The following PCNX1 variants were observed in gnomAD, a reference collection of about 807,000 sequenced individuals.
PCNX1 encodes the protein pecanex-like protein 1.
Under a neutral mutation model 242.2 loss-of-function variants are expected in PCNX1, and 78 were observed. The observed-to-expected ratio is 0.32, with a 90% confidence interval of 0.27 to 0.39. The LOEUF is 0.39. PCNX1 is among the 10% of genes least tolerant of loss of function. PCNX1 has a pLI of 1.00. For missense variants in PCNX1, 2,581 were observed against 2,856.5 expected, an observed-to-expected ratio of 0.90 and a Z score of 2.20; for synonymous variants, 1,024 against 1,032.9, an observed-to-expected ratio of 0.99 and a Z score of 0.17.
chr14:71,031,238 A>G (rs982386958), intron 16 of PCNX1, among the ~76,000 whole-genome samples: 3 of 152,180 alleles, frequency 2.0e-5, no homozygotes, highest in African/African-American at 7.2e-5. Flanking sequence ...AGTCAAGGGA[A>G]GCTCCCTGGA....
At chr14:71,097,731 G>T (rs2062332117) in intron 30 of PCNX1, among the ~76,000 whole-genome samples, 1 of 152,142 alleles carries the variant, frequency 6.6e-6, no homozygotes, top group African/African-American at 2.4e-5. Flanking sequence ...CCTGTAGGTT[G>T]TCAGTTTACT....
chr14:70,928,081 AT>A (rs1444938472), intron 1 of PCNX1, among the ~76,000 whole-genome samples: 5 of 152,048 alleles, frequency 3.3e-5, no homozygotes, highest in Non-Finnish European at 7.4e-5. Context: ...TTATTGAATT[AT>A]TTTGATTCTT....
chr14:70,979,961 CTCTTTTTT>C (rs1304335843), intron 6 of PCNX1, among the ~76,000 whole-genome samples: 2 of 149,030 alleles, frequency 1.3e-5, no homozygotes, highest in Non-Finnish European at 3.0e-5. Flanking sequence ...ATATAGTTCT[CTCTTTTTT>C]TTTTTTTTTG....
intron 12 of PCNX1, among the ~76,000 whole-genome samples, chr14:71,020,098 C>A (rs1229584067): frequency 1.3e-5 from 2 of 152,182 alleles, no homozygotes; most frequent in Non-Finnish European, 2.9e-5. Context: ...CATGTCCCCA[C>A]AAAGGACATG....
At chr14:70,951,291 C>T (rs1566612257) in intron 2 of PCNX1, among the ~76,000 whole-genome samples, 1 of 151,642 alleles carries the variant, frequency 6.6e-6, no homozygotes, top group East Asian at 1.9e-4. Flanking sequence ...ATCATAGTGG[C>T]TTTATAATAT....
intron 1 of PCNX1, among the ~76,000 whole-genome samples, chr14:70,911,437 C>A (rs2055903392): frequency 6.6e-6 from 1 of 152,224 alleles, no homozygotes; most frequent in Non-Finnish European, 1.5e-5. Flanking sequence ...AGTTAAAAAT[C>A]TTTTAAGTAG....
In PCNX1 at chr14:70,942,897, T is replaced by G. The variant is rs2526862; in HGVS notation, c.154-4018T>G. The G allele has an allele frequency of 3.3e-5, 5 of 152,080 alleles. No individual in the cohort carries two copies. The East Asian group carries it at 9.6e-4, about 29-fold the overall frequency. 9.4% of individuals were successfully genotyped at this position (152,080 alleles called of 1,614,324 possible). A position where few individuals can be genotyped will look rare whatever the true frequency, so the allele number is the denominator to read the frequency against. On this transcript the variant is annotated intron_variant, in intron 1 of 35. Transcript: ENST00000304743. ...GGACCACGTGGAGATAACTGAATCA[T>G]GGGGGTGGTTCCCCCATGCTGTTCT...
At chr14:71,034,138 AATGT>A (rs1479003337) in intron 18 of PCNX1, 102 bp downstream of exon 18, 17 of 636,552 alleles carry the variant, frequency 2.7e-5, no homozygotes, top group Non-Finnish European at 4.8e-5. Flanking sequence ...ATTGGAGAAA[AATGT>A]ATAATTATAA....
chr14:71,001,262 A>AT (rs1047499755), intron 8 of PCNX1, among the ~76,000 whole-genome samples: 1 of 152,026 alleles, frequency 6.6e-6, no homozygotes, highest in Non-Finnish European at 1.5e-5. Flanking sequence ...AGCAGCTGTG[A>AT]TTTTTTTCTT....
At position 71,108,976 on chromosome 14, in the gene PCNX1, A is replaced by G; in HGVS notation, c.6674A>G (p.Gln2225Arg). 1 of 1,614,244 alleles carries G rather than the reference A, an allele frequency of 6.2e-7. No homozygotes were observed. Among genetic ancestry groups the G allele is most frequent in the East Asian group, 2.2e-5 (1 of 44,888 alleles). The change falls in exon 34 of 36, where the codon CAG becomes CGG. Residue 2225 changes from glutamine to arginine, a missense_variant. Gln to Arg is a conservative substitution (Grantham distance 43). Around this residue, in one of 9 missense-constraint regions of PCNX1, gnomAD observed 432 missense variants for 433.6 expected, o/e 1.00. Coordinates refer to ENST00000304743, the MANE Select transcript of PCNX1 (RefSeq NM_014982.3). ...GGTCAGAGCAGTGCCACTGATGCAC[A>G]GCCAGGCAACACCTTAAGTCCTGCC... Reference protein sequence around the residue: ...EGGQSSATDAQPGNTLSPANN... With the variant: ...EGGQSSATDARPGNTLSPANN...
chr14:71,109,068 C>T, intron 34 of PCNX1, 22 bp downstream of exon 34: 1 of 1,555,256 alleles, frequency 6.4e-7, no homozygotes, highest in East Asian at 2.3e-5. Context: ...CAGAGGTGGT[C>T]TTGTGCTGTT....
intron 1 of PCNX1, among the ~76,000 whole-genome samples, chr14:70,923,377 G>GT (rs2056453512): frequency 6.6e-6 from 1 of 151,944 alleles, no homozygotes; most frequent in Non-Finnish European, 1.5e-5. Context: ...AAAAATTCAT[G>GT]TTTTTGTCTA....
intron 22 of PCNX1, among the ~76,000 whole-genome samples, chr14:71,048,500 G>T (rs2141139943): frequency 6.6e-6 from 1 of 152,280 alleles, no homozygotes; most frequent in Non-Finnish European, 1.5e-5. Context: ...TAAAACCTTG[G>T]TCCTCTGCCT....
intron 5 of PCNX1, among the ~76,000 whole-genome samples, chr14:70,970,739 G>A (rs979276654): frequency 6.6e-6 from 1 of 152,160 alleles, no homozygotes; most frequent in Non-Finnish European, 1.5e-5. Flanking sequence ...TTGCTACTCA[G>A]CTACTCAACT....
intron 12 of PCNX1, among the ~76,000 whole-genome samples, 173 bp downstream of exon 12, chr14:71,019,335 T>G (rs2060036364): frequency 6.6e-6 from 1 of 152,206 alleles, no homozygotes; most frequent in Non-Finnish European, 1.5e-5. Context: ...TAAAAATAAT[T>G]GTATGTAAAT....
intron 8 of PCNX1, among the ~76,000 whole-genome samples, chr14:71,004,752 C>T (rs17108869): frequency 0.089 from 13,512 of 152,172 alleles, 712 homozygotes; most frequent in Admixed American, 0.17. Context: ...TAGAATTGAT[C>T]TTAAAGGCCT....
intron 8 of PCNX1, among the ~76,000 whole-genome samples, chr14:71,001,682 C>G (rs986430249): frequency 2.6e-5 from 4 of 152,122 alleles, no homozygotes; most frequent in African/African-American, 9.7e-5. Flanking sequence ...TCTTAAGATT[C>G]TAAATTAAAG....
chr14:71,097,872 G>A (rs2062336541), intron 30 of PCNX1, among the ~76,000 whole-genome samples: 1 of 152,082 alleles, frequency 6.6e-6, no homozygotes, highest in Non-Finnish European at 1.5e-5. Context: ...TGTCCAACAT[G>A]GTGTTTCCTA....
chr14:71,091,156 T>G (rs138901590), intron 30 of PCNX1, among the ~76,000 whole-genome samples: 1 of 152,092 alleles, frequency 6.6e-6, no homozygotes, highest in African/African-American at 2.4e-5. Context: ...AATTCTGATA[T>G]ACCTTCTAGG....
Sources: allele counts gnomAD v4.1 joint callset (sites outside exome capture counted in the v4.1 genomes callset), GRCh38; gene constraint gnomAD v4.1.1; regional missense constraint gnomAD v4.1.1; transcripts MANE v1.5; gene names NCBI Gene and HGNC (gene_info 2026-07-23, HGNC 2026-07-21).